Variants in CDH2 observed in about 807,000 individuals in gnomAD.
The protein encoded by CDH2 is cadherin-2.
CDH2 carries 17 observed loss-of-function variants against 92.0 expected under a neutral mutation model. The observed-to-expected ratio is 0.18, with a 90% CI of 0.13 to 0.28. The LOEUF (loss-of-function observed/expected upper bound fraction) is 0.28, where lower values mean the gene tolerates loss of function less well. CDH2 is among the 10% of genes least tolerant of loss of function. The pLI, the probability that CDH2 is intolerant of heterozygous loss-of-function variation, is 1.00. For missense variants in CDH2, 862 were observed against 1,133.1 expected, an observed-to-expected ratio of 0.76 and a Z score of 3.44; for synonymous variants, 419 against 415.9, an observed-to-expected ratio of 1.01 and a Z score of -0.09.
At chr18:27,980,477 G>C (rs1336560939) in intron 14 of CDH2, among the ~76,000 whole-genome samples, 1 of 152,184 alleles carries the variant, frequency 6.6e-6, no homozygotes, top group South Asian at 2.1e-4. Context: ...AGAGGAGAAA[G>C]AGCCTTGGTG....
At chr18:28,130,309 C>T (rs1222194122) in intron 2 of CDH2, among the ~76,000 whole-genome samples, 1 of 152,096 alleles carries the variant, frequency 6.6e-6, no homozygotes, top group Non-Finnish European at 1.5e-5. Context: ...TCCCTCCACC[C>T]AAGAAAGCAA....
At chr18:27,949,865 A>G (rs1909368761), downstream of CDH2, among the ~76,000 whole-genome samples, 1 of 151,952 alleles carries the variant, frequency 6.6e-6, no homozygotes, top group African/African-American at 2.4e-5. Context: ...AACCTTACAA[A>G]CACTTAAAGT....
intron 2 of CDH2, among the ~76,000 whole-genome samples, chr18:28,128,790 T>A (rs1279856108): frequency 1.3e-5 from 2 of 152,126 alleles, no homozygotes; most frequent in African/African-American, 4.8e-5. Flanking sequence ...ATGCTGGGTT[T>A]AGCATTAACC....
At chr18:28,008,757 GA>G (rs983725304) in intron 5 of CDH2, among the ~76,000 whole-genome samples, 1 of 150,660 alleles carries the variant, frequency 6.6e-6, no homozygotes, top group African/African-American at 2.4e-5. Context: ...AAAAAAAAAA[GA>G]AAAAACTTCA....
chr18:27,953,077 T>G (rs1397258141), intron 15 of CDH2, among the ~76,000 whole-genome samples: 2 of 152,134 alleles, frequency 1.3e-5, no homozygotes, highest in African/African-American at 4.8e-5. Flanking sequence ...TGGAATTAAT[T>G]AATTGTAAAC....
At chr18:28,163,175 A>G (rs1177816364) in intron 1 of CDH2, among the ~76,000 whole-genome samples, 1 of 152,200 alleles carries the variant, frequency 6.6e-6, no homozygotes, top group Non-Finnish European at 1.5e-5. Flanking sequence ...TTAAGCCAAA[A>G]TGAGACATTA....
In CDH2 at chr18:28,024,456, AAAGT is replaced by A. The variant is rs1414384136; in HGVS notation, c.173-10551_173-10548del. Among the ~76,000 whole-genome samples, 5 of 149,844 alleles carry A rather than the reference AAAGT, an allele frequency of 3.3e-5. No homozygotes were observed. The East Asian group carries it at 5.8e-4, about 17-fold the overall frequency. On this transcript the variant is annotated intron_variant, in intron 2 of 15. Transcript: ENST00000269141. The stretch of plus-strand genomic sequence containing the variant: ...TATAAAGTATATATATAAATAATAT[AAAGT>A]AAGTATATGTATTTAAAATATATAG...
At chr18:28,073,649 G>A (rs779428821) in intron 2 of CDH2, among the ~76,000 whole-genome samples, 6 of 152,170 alleles carry the variant, frequency 3.9e-5, no homozygotes, top group Admixed American at 6.5e-5. Flanking sequence ...GATGATGTAT[G>A]AGAAGCATTT....
At chr18:28,105,710 T>A (rs17446547) in intron 2 of CDH2, among the ~76,000 whole-genome samples, 32,114 of 152,102 alleles carry the variant, frequency 0.21, 4,144 homozygotes, top group Non-Finnish European at 0.3. Context: ...AAAATAAAAA[T>A]TCAAATTCAG....
intron 12 of CDH2, 68 bp from the exon 13 acceptor site, chr18:27,985,301 G>A (rs2012194054): frequency 4.3e-6 from 4 of 922,628 alleles, no homozygotes; most frequent in African/African-American, 1.6e-5. Flanking sequence ...ACATAGCATT[G>A]TTCAGGATGT....
intron 2 of CDH2, among the ~76,000 whole-genome samples, chr18:28,117,669 T>G (rs1365549243): frequency 6.6e-6 from 1 of 152,174 alleles, no homozygotes; most frequent in Non-Finnish European, 1.5e-5. Flanking sequence ...TCATTTTTTG[T>G]TTTACTTTAT....
chr18:28,086,813 C>T (rs567498137), intron 2 of CDH2, among the ~76,000 whole-genome samples: 17 of 152,104 alleles, frequency 1.1e-4, no homozygotes, highest in Non-Finnish European at 2.5e-4. Context: ...TGGTAATTTA[C>T]GTCTAATTAA....
chr18:28,009,202 A>T (rs2013026674), intron 5 of CDH2, among the ~76,000 whole-genome samples: 1 of 152,210 alleles, frequency 6.6e-6, no homozygotes. Context: ...AATTATTGAC[A>T]ATGTTAGAAA....
At chr18:28,094,840 C>G (rs531053685) in intron 2 of CDH2, among the ~76,000 whole-genome samples, 2 of 148,168 alleles carry the variant, frequency 1.3e-5, no homozygotes, top group East Asian at 4.0e-4. Flanking sequence ...CCTCCCCACT[C>G]TAAATGCTAC....
At chr18:28,123,130 C>G (rs2015619733) in intron 2 of CDH2, among the ~76,000 whole-genome samples, 1 of 152,090 alleles carries the variant, frequency 6.6e-6, no homozygotes, top group South Asian at 2.1e-4. Flanking sequence ...GTCTAAAATA[C>G]TACTCCAAAT....
In CDH2 at chr18:27,955,761, G is replaced by GTTTTTTTTTTTGTT. The variant is rs1429734868; in HGVS notation, c.2515-3403_2515-3402insAACAAAAAAAAAAA. On this transcript the variant is annotated intron_variant, in intron 15 of 15. Transcript: ENST00000269141. The stretch of plus-strand genomic sequence containing the variant: ...ACAAATCTCTGTTTTCTTTATTTCT[G>GTTTTTTTTTTTGTT]TTTTTTTTTTTTTTTTTTTAAAGAG... 9.0e-5 allele frequency among the ~76,000 whole-genome samples: 10 copies of GTTTTTTTTTTTGTT among 111,714 alleles called. 1 individual carries two copies. In the East Asian group the frequency reaches 2.8e-3, roughly 31 times the overall value. The allele number at this position is 111,714 out of a possible 152,430, so 73.3% of individuals were successfully genotyped here. A position where few individuals can be genotyped will look rare whatever the true frequency, so the allele number is the denominator to read the frequency against.
chr18:28,158,917 T>C (rs2016262988), intron 1 of CDH2, among the ~76,000 whole-genome samples: 1 of 152,226 alleles, frequency 6.6e-6, no homozygotes, highest in Admixed American at 6.5e-5. Flanking sequence ...AATACAGTAA[T>C]TTTTCATACA....
In CDH2 at chr18:28,176,953, CG is replaced by C. The variant is rs2016554495; in HGVS notation, c.60+9del. 7.6e-7 allele frequency: 1 copy of C among 1,323,196 alleles called. No individual in the cohort carries two copies. Among genetic ancestry groups the C allele is most frequent in the South Asian group, 2.0e-5 (1 of 49,876 alleles). 82.0% of individuals were successfully genotyped at this position (1,323,196 alleles called of 1,614,324 possible). On this transcript the variant is annotated intron_variant, in intron 1 of 15. Coordinates refer to ENST00000269141, the MANE Select transcript of CDH2 (RefSeq NM_001792.5). ...CGCCCGTGGCCCGGCCCGCGGGGAC[CG>C]CCGCGTACCTGAAGCAGGGCCGCCA...
chr18:28,059,484 T>C (rs192242382), intron 2 of CDH2, among the ~76,000 whole-genome samples: 1 of 152,328 alleles, frequency 6.6e-6, no homozygotes, highest in Non-Finnish European at 1.5e-5. Flanking sequence ...TAACAGCCCC[T>C]GAGCTTTAGT....
Sources: gnomAD v4.1 joint callset for allele counts (sites outside exome capture counted in the v4.1 genomes callset) on GRCh38, gnomAD v4.1.1 for gene constraint, MANE v1.5 for transcripts, NCBI Gene and HGNC (gene_info 2026-07-23, HGNC 2026-07-21) for gene names.